COBL: variants seen among roughly 807,000 people sequenced by gnomAD.
The protein encoded by COBL is protein cordon-bleu.
COBL carries 51 observed loss-of-function variants against 98.8 expected under a neutral mutation model. The ratio of observed to expected loss-of-function variants is 0.52; its 90% CI spans 0.41 to 0.65. The LOEUF (loss-of-function observed/expected upper bound fraction) is 0.65. Ranked by LOEUF, COBL falls within the 30% of genes least tolerant of loss-of-function variation. The pLI, the probability that COBL is intolerant of heterozygous loss-of-function variation, is 0.00. For synonymous variants in COBL, 634 were observed against 651.7 expected (o/e 0.97, Z 0.41); for missense variants, 1,617 against 1,617.5 (o/e 1.00, Z 0.01).
rs149178046 is a variant in COBL, at chr7:51,132,402, C to T, written c.957+3756G>A. On this transcript the variant is annotated intron_variant, in intron 6 of 12. Coordinates refer to ENST00000265136, the MANE Select transcript of COBL (RefSeq NM_015198.5). ...CCATGAGATCTATGTCTGATCACTA[C>T]AGCAATCACTGGCTAGTGCTGTTCT... Among the ~76,000 whole-genome samples, 97 of 152,340 alleles carry T rather than the reference C, an allele frequency of 6.4e-4. 1 individual carries two copies. In the East Asian group the frequency reaches 0.018, roughly 28 times the overall value.
chr7:51,196,940 C>T (rs1790649078), intron 2 of COBL, among the ~76,000 whole-genome samples: 1 of 151,456 alleles, frequency 6.6e-6, no homozygotes. Flanking sequence ...GCCTAGCTAG[C>T]AGTCTATTTT....
At chr7:51,032,909 T>C (rs1255970573) in intron 8 of COBL, 2 of 152,164 alleles carry the variant, frequency 1.3e-5, no homozygotes, top group East Asian at 3.8e-4. Context: ...CTTGGAAAGA[T>C]GGAAAACTTT....
intron 1 of COBL, among the ~76,000 whole-genome samples, chr7:51,301,177 C>T (rs1217543780): frequency 6.6e-6 from 1 of 152,218 alleles, no homozygotes; most frequent in African/African-American, 2.4e-5. Context: ...GCCACCCTCC[C>T]CTCCTCTGGG....
At chr7:51,165,581 ACAT>A (rs894948818) in intron 5 of COBL, among the ~76,000 whole-genome samples, 3 of 152,022 alleles carry the variant, frequency 2.0e-5, no homozygotes, top group African/African-American at 7.2e-5. Flanking sequence ...CAACAAAGAA[ACAT>A]CAGACTTAAT....
At chr7:51,049,159 G>C (rs1221280968) in intron 7 of COBL, among the ~76,000 whole-genome samples, 1 of 152,166 alleles carries the variant, frequency 6.6e-6, no homozygotes, top group Admixed American at 6.5e-5. Flanking sequence ...TGGTTGGAAA[G>C]AAAAATTGGG....
chr7:51,259,780 C>A (rs1584333523), intron 1 of COBL: 1 of 750,234 alleles, frequency 1.3e-6, no homozygotes, highest in South Asian at 1.3e-5. Context: ...CTATGGGCAG[C>A]ATTTTTAGGT....
In COBL at chr7:51,248,741, T is replaced by C. The variant is rs74716558; in HGVS notation, c.42-28797A>G. ...TTTAATTTAAAAGAACTAGGAAATA[T>C]ATTTTAACAACAAAATTTTAAAAAA... On this transcript the variant is annotated intron_variant, in intron 1 of 12. Transcript: ENST00000265136. 3.0e-3 allele frequency among the ~76,000 whole-genome samples: 463 copies of C among 152,296 alleles called. 2 individuals are homozygous for C. The highest frequency in any genetic ancestry group is 0.01 in the African/African-American group (432 of 41,572).
In COBL at chr7:51,056,975, C is replaced by T. The variant is rs370302745; in HGVS notation, c.1097-13283G>A. Among the ~76,000 whole-genome samples the T allele has an allele frequency of 2.6e-5, 4 of 152,264 alleles. No individual in the cohort carries two copies. In the East Asian group the frequency reaches 5.8e-4, roughly 22 times the overall value. On this transcript the variant is annotated intron_variant, in intron 7 of 12. Transcript: ENST00000265136. ...TAAACACTTGGTCAGTTTTGAATCA[C>T]GTGTCCTTCTGAGTAGCCTGGTGAA...
intron 1 of COBL, among the ~76,000 whole-genome samples, chr7:51,284,622 T>G (rs564128966): frequency 1.3e-5 from 2 of 151,224 alleles, no homozygotes; most frequent in East Asian, 4.0e-4. Flanking sequence ...AGGTCAGGAG[T>G]TCGAGACCAG....
At chr7:51,086,007 G>GT (rs1157284505) in intron 6 of COBL, among the ~76,000 whole-genome samples, 30 of 152,150 alleles carry the variant, frequency 2.0e-4, no homozygotes, top group Non-Finnish European at 4.1e-4. Context: ...TACTGGGCAG[G>GT]TCTAATTGCT....
intron 1 of COBL, among the ~76,000 whole-genome samples, chr7:51,231,727 G>C (rs1794777150): frequency 6.6e-6 from 1 of 152,224 alleles, no homozygotes; most frequent in South Asian, 2.1e-4. Context: ...GCTGGGTGCA[G>C]GGTGGGCCGA....
At chr7:51,064,078 G>A (rs1251912018) in intron 7 of COBL, among the ~76,000 whole-genome samples, 2 of 152,160 alleles carry the variant, frequency 1.3e-5, no homozygotes, top group Non-Finnish European at 2.9e-5. Context: ...CTGGTTGTCT[G>A]GGAGATGAAC....
Position 51,016,825 on chromosome 7 carries a change from T to C in COBL, c.*726A>G, listed in dbSNP as rs1588217215. The C allele has an allele frequency of 2.5e-6, 1 of 397,950 alleles. No homozygotes were observed. The highest frequency in any genetic ancestry group is 1.4e-4 in the South Asian group (1 of 7,240). 24.7% of individuals were successfully genotyped at this position (397,950 alleles called of 1,614,324 possible). On this transcript the variant is annotated 3_prime_UTR_variant, in exon 13 of 13. Transcript: ENST00000265136. Reference sequence around the variant, plus strand: ...CACTGCCCATCCACTCCAGTGGTGGTGTGACCTCAGCCACCCGCCACCCTT... The same window carrying C: ...CACTGCCCATCCACTCCAGTGGTGGCGTGACCTCAGCCACCCGCCACCCTT...
intron 7 of COBL, among the ~76,000 whole-genome samples, chr7:51,044,960 T>G (rs796116428): frequency 1.3e-5 from 2 of 152,252 alleles, no homozygotes; most frequent in Admixed American, 6.5e-5. Context: ...AGGTAAAGAA[T>G]AGAACGAAAA....
In COBL at chr7:51,260,962, C is replaced by G. The variant is rs569373448; in HGVS notation, c.42-41018G>C. Among the ~76,000 whole-genome samples the G allele has an allele frequency of 3.9e-5, 6 of 152,292 alleles. No homozygotes were observed. In the East Asian group the frequency reaches 9.6e-4, roughly 24 times the overall value. ...TCCCCAAAACCTTCTGAGGGCATCT[C>G]ATGAACTTTATAAACCTCCATACCC... On this transcript the variant is annotated intron_variant, in intron 1 of 12. Transcript: ENST00000265136.
intron 7 of COBL, among the ~76,000 whole-genome samples, chr7:51,075,052 G>A (rs1171511885): frequency 1.3e-5 from 2 of 152,166 alleles, no homozygotes; most frequent in Admixed American, 6.5e-5. Context: ...ACAGTAAGAT[G>A]AGAATAAAAC....
chr7:51,193,523 G>A lies in COBL; in HGVS notation c.312C>T (p.Ala104=), dbSNP rs913337885. The change falls in exon 3 of 13, where the codon GCC becomes GCT. Residue 104 remains alanine, a synonymous_variant. Coordinates refer to ENST00000265136, the MANE Select transcript of COBL (RefSeq NM_015198.5). ...LQNHLNPSHH[A]LEIRSSETQQ... ...GGGTTTCTGAAGACCGAATTTCAAG[G>A]GCATGGTGGGATGGATTCAGGTGGT... 2 of 1,614,126 alleles carry A rather than the reference G, an allele frequency of 1.2e-6. No homozygotes were observed. The highest frequency in any genetic ancestry group is 3.3e-5 in the Admixed American group (2 of 60,020).
intron 2 of COBL, among the ~76,000 whole-genome samples, chr7:51,205,650 T>G (rs558888982): frequency 1.6e-4 from 24 of 150,496 alleles, no homozygotes; most frequent in Non-Finnish European, 3.0e-4. Flanking sequence ...GTTTTTTGTT[T>G]TTTTTTTTTT....
At chr7:51,213,297 A>C in intron 2 of COBL, among the ~76,000 whole-genome samples, 1 of 152,228 alleles carries the variant, frequency 6.6e-6, no homozygotes, top group East Asian at 1.9e-4. Flanking sequence ...GCAGTGAACA[A>C]GTAAGCATTT....
Sources: allele counts gnomAD v4.1 joint callset (sites outside exome capture counted in the v4.1 genomes callset), GRCh38; gene constraint gnomAD v4.1.1; transcripts MANE v1.5; gene names NCBI Gene and HGNC (gene_info 2026-07-23, HGNC 2026-07-21).